CAMTA1: variants seen among roughly 807,000 people sequenced by gnomAD.
CAMTA1 encodes the protein calmodulin-binding transcription activator 1.
In CAMTA1, 27 loss-of-function variants were observed where a neutral mutation model predicts 170.9. The ratio of observed to expected loss-of-function variants is 0.16; its 90% confidence interval spans 0.12 to 0.22. The LOEUF (loss-of-function observed/expected upper bound fraction) is 0.22. Ranked by LOEUF, CAMTA1 falls within the 10% of genes least tolerant of loss-of-function variation. The pLI, the probability that CAMTA1 is intolerant of heterozygous loss-of-function variation, is 1.00. For missense variants in CAMTA1, 1,619 were observed against 2,217.2 expected (o/e 0.73, Z 5.42); for synonymous variants, 833 against 891.5 (o/e 0.93, Z 1.17).
In CAMTA1 at chr1:7,005,432, A is replaced by C. The variant is rs989884583; in HGVS notation, c.235-85872A>C. Among the ~76,000 whole-genome samples, 4 of 152,000 alleles carry C rather than the reference A, an allele frequency of 2.6e-5. No individual in the cohort carries two copies. In the South Asian group the frequency reaches 6.2e-4, roughly 24 times the overall value. ...AATCCATCTGTGAATTCATGTATTA[A>C]TTTCTCCCCCTGCCTTTCCCTCCCT... On this transcript the variant is annotated intron_variant, in intron 3 of 22. Coordinates refer to ENST00000303635, the MANE Select transcript of CAMTA1 (RefSeq NM_015215.4).
At chr1:7,114,765 C>A (rs11120851) in intron 4 of CAMTA1, among the ~76,000 whole-genome samples, 69,970 of 94,328 alleles carry the variant, frequency 0.74, 26,274 homozygotes, top group African/African-American at 0.8. Flanking sequence ...AAACCTGAGA[C>A]CCAGGAGAGC....
In CAMTA1 at chr1:6,892,394, T is replaced by C. The variant is rs115296350; in HGVS notation, c.234+67184T>C. Among the ~76,000 whole-genome samples the C allele has an allele frequency of 2.8e-3, 430 of 152,288 alleles. 1 individual carries two copies. Among genetic ancestry groups the C allele is most frequent in the African/African-American group, 9.7e-3 (401 of 41,552 alleles). ...TTGTTTGCGATCTGTGGGTTACATA[T>C]TGTGCTAGAGATAAACCTTGACAGT... On this transcript the variant is annotated intron_variant, in intron 3 of 22. Transcript: ENST00000303635.
chr1:7,412,681 A>G (rs1279344085), intron 5 of CAMTA1, among the ~76,000 whole-genome samples: 3 of 152,128 alleles, frequency 2.0e-5, no homozygotes, highest in African/African-American at 7.2e-5. Flanking sequence ...GTAGGTTGCG[A>G]AAATTTTCTC....
At chr1:7,365,531 G>A (rs549211433) in intron 5 of CAMTA1, among the ~76,000 whole-genome samples, 3 of 152,038 alleles carry the variant, frequency 2.0e-5, no homozygotes, top group African/African-American at 7.2e-5. Context: ...CCTAGGCCCC[G>A]CGCCTGGGTG....
chr1:6,984,644 G>T (rs1227460484), intron 3 of CAMTA1, among the ~76,000 whole-genome samples: 1 of 152,154 alleles, frequency 6.6e-6, no homozygotes, highest in East Asian at 1.9e-4. Flanking sequence ...AAACAACAAA[G>T]AAATGTCTCC....
chr1:7,541,963 GAACCA>G (rs2094617409), intron 6 of CAMTA1, among the ~76,000 whole-genome samples: 2 of 152,190 alleles, frequency 1.3e-5, no homozygotes, highest in Non-Finnish European at 2.9e-5. Context: ...CGTTCCTCCA[GAACCA>G]AGCGTTACAC....
intron 11 of CAMTA1, among the ~76,000 whole-genome samples, chr1:7,704,371 C>T (rs2096481182): frequency 6.8e-6 from 1 of 146,192 alleles, no homozygotes; most frequent in Non-Finnish European, 1.5e-5. Flanking sequence ...TCCGAGCCGT[C>T]CCGGCCTCGA....
intron 7 of CAMTA1, among the ~76,000 whole-genome samples, chr1:7,658,409 T>TA (rs1468871527): frequency 6.6e-6 from 1 of 151,894 alleles, no homozygotes; most frequent in African/African-American, 2.4e-5. Context: ...TGCAGAGCTC[T>TA]AAAAAAAATA....
At chr1:7,211,662 C>T (rs1658781044) in intron 4 of CAMTA1, among the ~76,000 whole-genome samples, 1 of 152,178 alleles carries the variant, frequency 6.6e-6, no homozygotes, top group African/African-American at 2.4e-5. Context: ...TTCCTCTCAC[C>T]AACCCTGGGA....
At chr1:7,601,708 G>A (rs1264024893) in intron 6 of CAMTA1, among the ~76,000 whole-genome samples, 1 of 152,262 alleles carries the variant, frequency 6.6e-6, no homozygotes, top group African/African-American at 2.4e-5. Context: ...GGAGGCCGAG[G>A]CTGGCGGATC....
At chr1:7,043,880 G>T (rs528828650) in intron 3 of CAMTA1, among the ~76,000 whole-genome samples, 9 of 152,282 alleles carry the variant, frequency 5.9e-5, no homozygotes, top group Admixed American at 1.3e-4. Flanking sequence ...CCGAGTTGCC[G>T]GAACACAGAG....
At chr1:7,351,868 C>T (rs904101299) in intron 5 of CAMTA1, among the ~76,000 whole-genome samples, 1 of 152,180 alleles carries the variant, frequency 6.6e-6, no homozygotes, top group African/African-American at 2.4e-5. Flanking sequence ...GTTATTACTA[C>T]CAAATCATGA....
At chr1:7,690,300 G>A (rs374399393) in intron 11 of CAMTA1, among the ~76,000 whole-genome samples, 3 of 152,362 alleles carry the variant, frequency 2.0e-5, no homozygotes, top group East Asian at 3.9e-4. Context: ...CACACTGGCA[G>A]GAGAGAGGGA....
intron 5 of CAMTA1, among the ~76,000 whole-genome samples, chr1:7,446,361 T>C (rs566802155): frequency 6.6e-6 from 1 of 152,240 alleles, no homozygotes; most frequent in African/African-American, 2.4e-5. Context: ...TCCTAACAGA[T>C]CCTTAGGTAA....
chr1:7,208,629 G>A (rs569398243), intron 4 of CAMTA1, among the ~76,000 whole-genome samples: 3 of 152,272 alleles, frequency 2.0e-5, no homozygotes, highest in African/African-American at 7.2e-5. Context: ...GAGAAGAGGC[G>A]CTTAAATTGC....
intron 5 of CAMTA1, among the ~76,000 whole-genome samples, chr1:7,459,901 T>A (rs2093042855): frequency 6.6e-6 from 1 of 152,106 alleles, no homozygotes; most frequent in South Asian, 2.1e-4. Flanking sequence ...GGTGAGCGGG[T>A]CAGAGCCAAA....
rs113667811 is a variant in CAMTA1 at position 7,393,008 on chromosome 1, G to A, written c.439-74822G>A. Among the ~76,000 whole-genome samples the A allele has an allele frequency of 5.9e-3, 898 of 151,136 alleles. 9 individuals carry two copies. Among genetic ancestry groups the A allele is most frequent in the African/African-American group, 0.02 (837 of 41,126 alleles). On this transcript the variant is annotated intron_variant, in intron 5 of 22. Coordinates refer to ENST00000303635, the MANE Select transcript of CAMTA1 (RefSeq NM_015215.4). The stretch of plus-strand genomic sequence containing the variant: ...TTCGAGGCTGCAGTGAGCTATGATC[G>A]CGCCACTGCGTTCCAGCCTGGATGA...
intron 5 of CAMTA1, among the ~76,000 whole-genome samples, chr1:7,393,177 A>G (rs1460174591): frequency 6.6e-6 from 1 of 152,112 alleles, no homozygotes; most frequent in African/African-American, 2.4e-5. Flanking sequence ...TTCCCTAATG[A>G]CTGATGTTTT....
Position 7,383,105 on chromosome 1 carries a change from A to T in CAMTA1, c.439-84725A>T, listed in dbSNP as rs536624887. Among the ~76,000 whole-genome samples the T allele has an allele frequency of 2.6e-5, 4 of 152,328 alleles. No homozygotes were observed. The South Asian group carries it at 8.3e-4, about 32-fold the overall frequency. ...AGTAAGATAATCACATGATCATAAA[A>T]ATCAAGGGCATGCTTGCCTGGAAAT... On this transcript the variant is annotated intron_variant, in intron 5 of 22. Transcript: ENST00000303635.
Sources: allele counts gnomAD v4.1 joint callset (sites outside exome capture counted in the v4.1 genomes callset), GRCh38; gene constraint gnomAD v4.1.1; transcripts MANE v1.5; gene names NCBI Gene and HGNC (gene_info 2026-07-23, HGNC 2026-07-21).